MIPEP: variants seen among roughly 807,000 people sequenced by gnomAD.
MIPEP encodes the protein mitochondrial intermediate peptidase.
Under a neutral mutation model 90.3 loss-of-function variants are expected in MIPEP, and 79 were observed. That is an observed-to-expected ratio of 0.87 (90% CI 0.73 to 1.05). The LOEUF (loss-of-function observed/expected upper bound fraction) is 1.05, where lower values mean the gene tolerates loss of function less well. MIPEP is among the 50% of genes least tolerant of loss of function. The pLI is 0.00. For synonymous variants in MIPEP, 334 were observed against 315.8 expected, an observed-to-expected ratio of 1.06 and a Z score of -0.61; for missense variants, 940 against 905.6, an observed-to-expected ratio of 1.04 and a Z score of -0.49.
chr13:23,804,734 A>G (rs1366177650), intron 16 of MIPEP, among the ~76,000 whole-genome samples: 1 of 152,244 alleles, frequency 6.6e-6, no homozygotes, highest in Non-Finnish European at 1.5e-5. Context: ...ATATTTGAGC[A>G]TTAGGACCTG....
intron 10 of MIPEP, among the ~76,000 whole-genome samples, chr13:23,851,016 G>A (rs376493846): frequency 1.3e-4 from 20 of 152,200 alleles, no homozygotes; most frequent in African/African-American, 4.3e-4. Flanking sequence ...TGTGGAAAAC[G>A]ATGAAAGGAA....
intron 16 of MIPEP, among the ~76,000 whole-genome samples, chr13:23,771,484 T>C (rs1482271764): frequency 2.7e-5 from 4 of 149,242 alleles, no homozygotes; most frequent in Non-Finnish European, 5.9e-5. Context: ...ATCAGTAAAA[T>C]TATAAAGTTA....
rs67628137 is a variant in MIPEP at position 23,774,784 on chromosome 13, CTTTTTTTTTTT to C, written c.1849-14578_1849-14568del. Among the ~76,000 whole-genome samples, 5 of 68,294 alleles carry C rather than the reference CTTTTTTTTTTT, an allele frequency of 7.3e-5. No individual in the cohort carries two copies. In the East Asian group the frequency reaches 1.4e-3, roughly 19 times the overall value. 44.8% of individuals were successfully genotyped at this position (68,294 alleles called of 152,430 possible). On this transcript the variant is annotated intron_variant, in intron 16 of 18. Transcript: ENST00000382172. ...ACCCTGCTGAACTGGTTTATCAGTT[CTTTTTTTTTTT>C]TTTTTTTTTTTTTTTTGAGATGGAG...
At chr13:23,801,368 G>A (rs1953038821) in intron 16 of MIPEP, among the ~76,000 whole-genome samples, 1 of 152,132 alleles carries the variant, frequency 6.6e-6, no homozygotes, top group Non-Finnish European at 1.5e-5. Context: ...CACAGTCAGT[G>A]TCCTAGTTTG....
intron 16 of MIPEP, among the ~76,000 whole-genome samples, chr13:23,804,593 A>G (rs1953084582): frequency 6.6e-6 from 1 of 152,248 alleles, no homozygotes; most frequent in South Asian, 2.1e-4. Flanking sequence ...ATTAGTTAGT[A>G]TGACTGACAT....
chr13:23,877,063 C>T (rs909913230), intron 4 of MIPEP, among the ~76,000 whole-genome samples: 4 of 152,116 alleles, frequency 2.6e-5, no homozygotes, highest in Non-Finnish European at 4.4e-5. Context: ...TTAAGTATAA[C>T]GCTCTTTAAA....
At chr13:23,791,640 T>G (rs1408421160) in intron 16 of MIPEP, among the ~76,000 whole-genome samples, 1 of 152,202 alleles carries the variant, frequency 6.6e-6, no homozygotes, top group Non-Finnish European at 1.5e-5. Context: ...TTTTCAGTCT[T>G]AATAGATCTT....
At chr13:23,767,445 A>C (rs1952602641) in intron 16 of MIPEP, among the ~76,000 whole-genome samples, 1 of 141,222 alleles carries the variant, frequency 7.1e-6, no homozygotes, top group Admixed American at 8.0e-5. Flanking sequence ...GAAGGGCAGT[A>C]TCTTTGTAAA....
chr13:23,871,556 G>A (rs1031719281), intron 5 of MIPEP, among the ~76,000 whole-genome samples: 1 of 152,172 alleles, frequency 6.6e-6, no homozygotes, highest in African/African-American at 2.4e-5. Flanking sequence ...ATCTTTCTGG[G>A]AGAGGAGATA....
intron 16 of MIPEP, among the ~76,000 whole-genome samples, chr13:23,787,730 A>G (rs1464927516): frequency 6.6e-6 from 1 of 152,196 alleles, no homozygotes; most frequent in Admixed American, 6.5e-5. Context: ...CTCTTTTAGG[A>G]TGCAGCTTTT....
chr13:23,809,220 A>C (rs1412243320), intron 15 of MIPEP, among the ~76,000 whole-genome samples: 2 of 152,154 alleles, frequency 1.3e-5, no homozygotes, highest in Non-Finnish European at 2.9e-5. Context: ...TTAAAAAGAT[A>C]CAAAATGAAT....
chr13:23,844,834 A>T (rs996169317), intron 10 of MIPEP, among the ~76,000 whole-genome samples: 23 of 152,194 alleles, frequency 1.5e-4, no homozygotes, highest in African/African-American at 5.3e-4. Context: ...TTGGAAAAAA[A>T]ATTTAAGTAT....
chr13:23,760,307 G>A, intron 16 of MIPEP, 90 bp from the exon 17 acceptor site: 1 of 1,552,766 alleles, frequency 6.4e-7, no homozygotes, highest in Non-Finnish European at 8.8e-7. Context: ...GACACAGAGA[G>A]ACCCGTAAAT....
intron 14 of MIPEP, among the ~76,000 whole-genome samples, chr13:23,821,013 G>A (rs71429856): frequency 2.3e-3 from 345 of 152,262 alleles, no homozygotes; most frequent in Middle Eastern, 0.01. Context: ...AATACCAACT[G>A]CAAGCTCCAC....
intron 16 of MIPEP, among the ~76,000 whole-genome samples, chr13:23,778,095 T>G (rs1952737437): frequency 6.6e-6 from 1 of 152,212 alleles, no homozygotes; most frequent in Admixed American, 6.5e-5. Flanking sequence ...TGGCTGCAAT[T>G]GTATAAATCA....
intron 2 of MIPEP, among the ~76,000 whole-genome samples, chr13:23,882,604 ATT>A (rs923323902): frequency 1.3e-5 from 2 of 152,170 alleles, no homozygotes; most frequent in Non-Finnish European, 2.9e-5. Context: ...GTAAAACTAA[ATT>A]TTTGTTTTCA....
chr13:23,771,925 G>A lies in MIPEP; in HGVS notation c.1849-11708C>T, dbSNP rs553725809. ...TAACTTTCCTTTACATTGCCTAAGA[G>A]GTAAAAAGCCAGACGTGTGCAATTA... On this transcript the variant is annotated intron_variant, in intron 16 of 18. Transcript: ENST00000382172. Among the ~76,000 whole-genome samples, 6 of 152,244 alleles carry A rather than the reference G, an allele frequency of 3.9e-5. No homozygotes were observed. The East Asian group carries it at 1.2e-3, about 29-fold the overall frequency.
chr13:23,874,651 T>C (rs1352442396), intron 5 of MIPEP, among the ~76,000 whole-genome samples, 195 bp downstream of exon 5: 3 of 152,226 alleles, frequency 2.0e-5, no homozygotes, highest in East Asian at 3.8e-4. Context: ...TGAATTATCA[T>C]GGTGTGATAG....
chr13:23,776,220 C>A (rs1240874690), intron 16 of MIPEP, among the ~76,000 whole-genome samples: 2 of 152,156 alleles, frequency 1.3e-5, no homozygotes, highest in African/African-American at 4.8e-5. Context: ...ATATAAGCCT[C>A]TGAGCAGACA....
Sources: gnomAD v4.1 joint callset for allele counts (sites outside exome capture counted in the v4.1 genomes callset) on GRCh38, gnomAD v4.1.1 for gene constraint, MANE v1.5 for transcripts, NCBI Gene and HGNC (gene_info 2026-07-23, HGNC 2026-07-21) for gene names.